The following LOC128462377 variants were observed in gnomAD, a reference collection of about 807,000 sequenced individuals.
the LOC128462377 span, among the ~76,000 whole-genome samples, chr16:89,373,980 GA>G: frequency 6.6e-6 from 1 of 152,246 alleles, no homozygotes; most frequent in Admixed American, 6.5e-5. Flanking sequence ...GACATCTCCA[GA>G]AGGGTCTGAC....
chr16:89,370,698 G>A, the LOC128462377 span: 4 of 152,424 alleles, frequency 2.6e-5, no homozygotes, highest in African/African-American at 9.7e-5. Flanking sequence ...TCCACGGCAG[G>A]ACCCGAGAGC....
At chr16:89,398,247 AG>A in the LOC128462377 span, among the ~76,000 whole-genome samples, 13 of 151,624 alleles carry the variant, frequency 8.6e-5, no homozygotes, top group African/African-American at 3.2e-4. Context: ...GGCTGACATG[AG>A]GGACACTGTG....
chr16:89,324,199 C>T, the LOC128462377 span: 20 of 1,179,802 alleles, frequency 1.7e-5, no homozygotes, highest in East Asian at 6.3e-5. Flanking sequence ...GCACCGAGAG[C>T]GCGTTCAGCA....
At chr16:89,364,823 G>A in the LOC128462377 span, among the ~76,000 whole-genome samples, 1 of 152,188 alleles carries the variant, frequency 6.6e-6, no homozygotes, top group African/African-American at 2.4e-5. Context: ...GTGGAAGCTT[G>A]CTCAGCACCA....
At chr16:89,360,309 C>G in the LOC128462377 span, among the ~76,000 whole-genome samples, 1 of 152,236 alleles carries the variant, frequency 6.6e-6, no homozygotes, top group Non-Finnish European at 1.5e-5. Context: ...GTTGCCCAAG[C>G]TGGCCTGAAA....
the LOC128462377 span, among the ~76,000 whole-genome samples, chr16:89,366,622 A>G: frequency 6.6e-6 from 1 of 152,186 alleles, no homozygotes; most frequent in Non-Finnish European, 1.5e-5. Flanking sequence ...AAAGGCTGCC[A>G]TCTTGCCTTG....
At chr16:89,403,278 C>G in the LOC128462377 span, among the ~76,000 whole-genome samples, 1 of 152,196 alleles carries the variant, frequency 6.6e-6, no homozygotes, top group Non-Finnish European at 1.5e-5. Context: ...CAGCCACGCA[C>G]ATGTTGTGAG....
At chr16:89,363,902 A>G in the LOC128462377 span, among the ~76,000 whole-genome samples, 1 of 152,170 alleles carries the variant, frequency 6.6e-6, no homozygotes, top group Non-Finnish European at 1.5e-5. Context: ...CAAAAAAGAA[A>G]AAAAAAATTA....
chr16:89,324,063 G>C, the LOC128462377 span: 1 of 265,774 alleles, frequency 3.8e-6, no homozygotes, highest in African/African-American at 2.3e-5. Context: ...TGTTGGCCAG[G>C]GTGGTCTCCA....
At chr16:89,398,825 G>C in the LOC128462377 span, among the ~76,000 whole-genome samples, 6 of 152,106 alleles carry the variant, frequency 3.9e-5, no homozygotes, top group African/African-American at 1.4e-4. Context: ...AGAAAAATCA[G>C]GTGGGCTAAG....
At chr16:89,336,232 A>T in the LOC128462377 span, among the ~76,000 whole-genome samples, 9 of 152,232 alleles carry the variant, frequency 5.9e-5, no homozygotes, top group African/African-American at 2.2e-4. Context: ...GGTTCAGGCA[A>T]GAGCCACATC....
the LOC128462377 span, among the ~76,000 whole-genome samples, chr16:89,402,460 G>A: frequency 5.3e-5 from 8 of 152,148 alleles, no homozygotes; most frequent in East Asian, 5.8e-4. Context: ...CGGGAAGATC[G>A]GTTGACTCCA....
At chr16:89,320,750 G>C in the LOC128462377 span, among the ~76,000 whole-genome samples, 884 of 152,362 alleles carry the variant, frequency 5.8e-3, 6 homozygotes, top group African/African-American at 0.02. Flanking sequence ...ACACAACTCA[G>C]CCCAGCGGAG....
At chr16:89,322,901 C>T in the LOC128462377 span, among the ~76,000 whole-genome samples, 30 of 152,302 alleles carry the variant, frequency 2.0e-4, no homozygotes, top group South Asian at 4.1e-4. Flanking sequence ...TGGAGTGCAG[C>T]GGTGTGATCA....
At chr16:89,386,297 T>C in the LOC128462377 span, among the ~76,000 whole-genome samples, 1 of 152,158 alleles carries the variant, frequency 6.6e-6, no homozygotes, top group African/African-American at 2.4e-5. Flanking sequence ...AAAGCTTGAT[T>C]ATTAAGACAG....
chr16:89,369,335 C>G, the LOC128462377 span, among the ~76,000 whole-genome samples: 1 of 152,228 alleles, frequency 6.6e-6, no homozygotes, highest in Non-Finnish European at 1.5e-5. Context: ...AAGGGCCAAA[C>G]AGAGACCATT....
chr16:89,324,847 A>G, the LOC128462377 span: 5 of 285,928 alleles, frequency 1.7e-5, no homozygotes, highest in African/African-American at 2.2e-5. Flanking sequence ...CAGCTTGCCA[A>G]CAGCCTATTG....
At chr16:89,317,508 A>G in the LOC128462377 span, among the ~76,000 whole-genome samples, 1 of 152,174 alleles carries the variant, frequency 6.6e-6, no homozygotes, top group African/African-American at 2.4e-5. Context: ...CAGGTCTGGC[A>G]GGTCATGTCC....
chr16:89,379,495 A>AT, the LOC128462377 span, among the ~76,000 whole-genome samples: 1 of 152,138 alleles, frequency 6.6e-6, no homozygotes, highest in Non-Finnish European at 1.5e-5. Flanking sequence ...CAACTTGAAC[A>AT]TTTTTTTAAA....
Sources: gnomAD v4.1 joint callset for allele counts (sites outside exome capture counted in the v4.1 genomes callset) on GRCh38, gnomAD v4.1.1 for gene constraint, MANE v1.5 for transcripts.